The following FBRSL1 variants were observed in gnomAD, a reference collection of about 807,000 sequenced individuals.
FBRSL1 encodes fibrosin like 1.
A neutral mutation model predicts 89.6 loss-of-function variants in FBRSL1; 51 were observed. That is an observed-to-expected ratio of 0.57 (90% CI 0.45 to 0.72). FBRSL1 has a LOEUF of 0.72. FBRSL1 is among the 30% of genes least tolerant of loss of function. FBRSL1 has a pLI of 0.00. For missense variants in FBRSL1, 1,618 were observed against 1,451.8 expected, an observed-to-expected ratio of 1.11 and a Z score of -1.86; for synonymous variants, 779 against 681.1, an observed-to-expected ratio of 1.14 and a Z score of -2.24.
chr12:132,569,292 G>A (rs970217311), intron 6 of FBRSL1, among the ~76,000 whole-genome samples: 3 of 152,130 alleles, frequency 2.0e-5, no homozygotes, highest in African/African-American at 4.8e-5. Flanking sequence ...CAGAAGGGTG[G>A]CCAGGGAGCA....
At chr12:132,580,253 A>T (rs2040653367) in intron 15 of FBRSL1, among the ~76,000 whole-genome samples, 1 of 152,014 alleles carries the variant, frequency 6.6e-6, no homozygotes, top group African/African-American at 2.4e-5. Flanking sequence ...ACACCTGGCT[A>T]ATTTTTGTAT....
At chr12:132,536,579 AGTGT>A (rs755410776) in intron 4 of FBRSL1, among the ~76,000 whole-genome samples, 4 of 144,872 alleles carry the variant, frequency 2.8e-5, no homozygotes, top group Admixed American at 6.9e-5. Context: ...TGTACATCAC[AGTGT>A]GTGAGTGCAC....
intron 2 of FBRSL1, chr12:132,511,991 T>C (rs995164251): frequency 2.0e-6 from 2 of 985,380 alleles, no homozygotes; most frequent in African/African-American, 1.7e-5. Context: ...AGCATGTGTC[T>C]TACGTGATTT....
chr12:132,511,566 G>A, intron 2 of FBRSL1: 1 of 985,666 alleles, frequency 1.0e-6, no homozygotes, highest in Non-Finnish European at 1.2e-6. Context: ...AGCTGGGCAG[G>A]CTCTAACCAG....
chr12:132,548,111 C>T (rs1430066358), intron 5 of FBRSL1, 79 bp downstream of exon 5: 5 of 1,494,202 alleles, frequency 3.3e-6, no homozygotes, highest in South Asian at 2.4e-5. Flanking sequence ...GAGGTGGGCC[C>T]TGGAGACCAG....
At chr12:132,508,044 C>T in intron 1 of FBRSL1, 109 bp from the exon 2 acceptor site, 1 of 1,159,746 alleles carries the variant, frequency 8.6e-7, no homozygotes, top group Non-Finnish European at 1.2e-6. Context: ...CTGAGGTGCC[C>T]CTCCCAAGTG....
intron 4 of FBRSL1, among the ~76,000 whole-genome samples, chr12:132,545,782 T>C: frequency 6.6e-6 from 1 of 152,244 alleles, no homozygotes; most frequent in East Asian, 1.9e-4. Flanking sequence ...GTCAGGCTGC[T>C]CTCGAGGCCT....
intron 2 of FBRSL1, among the ~76,000 whole-genome samples, chr12:132,519,149 G>A (rs2035126122): frequency 6.6e-6 from 1 of 152,268 alleles, no homozygotes. Flanking sequence ...CCTGTTTACT[G>A]TGTCTGCCTG....
At chr12:132,582,336 C>T (rs1427930619) in intron 18 of FBRSL1, 70 bp downstream of exon 18, 1 of 1,333,360 alleles carries the variant, frequency 7.5e-7, no homozygotes, top group Admixed American at 2.1e-5. Context: ...TCCCGTCATC[C>T]CCGGTTCCCC....
chr12:132,511,612 C>A, intron 2 of FBRSL1: 2 of 985,630 alleles, frequency 2.0e-6, no homozygotes, highest in Middle Eastern at 5.2e-4. Flanking sequence ...CACCTGGACC[C>A]CTGCGCCACG....
intron 18 of FBRSL1, among the ~76,000 whole-genome samples, chr12:132,582,664 G>A (rs1459143836): frequency 6.6e-6 from 1 of 152,128 alleles, no homozygotes; most frequent in Non-Finnish European, 1.5e-5. Context: ...CGGAGTTTGA[G>A]GGAGGAGTTC....
chr12:132,492,212 G>A (rs915877386), intron 1 of FBRSL1, among the ~76,000 whole-genome samples: 4 of 152,146 alleles, frequency 2.6e-5, no homozygotes, highest in South Asian at 2.1e-4. Flanking sequence ...GTCCCTAACC[G>A]CGGCTTCCTC....
chr12:132,564,772 G>A lies in FBRSL1; in HGVS notation c.646-2709G>A, dbSNP rs916509287. 1.8e-5 allele frequency among the ~76,000 whole-genome samples: 2 copies of A among 109,058 alleles called. 1 individual carries two copies. The allele number at this position is 109,058 out of a possible 152,430, so 71.5% of individuals were successfully genotyped here. Reference sequence around the variant, plus strand: ...GGCCTCCCGAGTAGCTGGGACTACAGGCGCCCGCCACCACGCCCGGCTAAT... The same window carrying A: ...GGCCTCCCGAGTAGCTGGGACTACAAGCGCCCGCCACCACGCCCGGCTAAT... On this transcript the variant is annotated intron_variant, in intron 5 of 18. Coordinates refer to ENST00000680143, the MANE Select transcript of FBRSL1 (RefSeq NM_001367871.1).
Position 132,583,976 on chromosome 12 carries a change from G to A in FBRSL1, c.*198G>A. The stretch of plus-strand genomic sequence containing the variant: ...TCCGAGTTTGGGATTCGGCTGTTGG[G>A]AAAAAAAAATCGCGTTTGTACCTTT... On this transcript the variant is annotated 3_prime_UTR_variant, in exon 19 of 19. Coordinates refer to ENST00000680143, the MANE Select transcript of FBRSL1 (RefSeq NM_001367871.1). 1 of 275,270 alleles carries A rather than the reference G, an allele frequency of 3.6e-6. No homozygotes were observed. Among genetic ancestry groups the A allele is most frequent in the African/African-American group, 2.2e-5 (1 of 44,648 alleles). 17.1% of individuals were successfully genotyped at this position (275,270 alleles called of 1,614,324 possible). A position where few individuals can be genotyped will look rare whatever the true frequency, so the allele number is the denominator to read the frequency against.
At chr12:132,564,303 C>T (rs1442950996) in intron 5 of FBRSL1, among the ~76,000 whole-genome samples, 1 of 152,198 alleles carries the variant, frequency 6.6e-6, no homozygotes, top group African/African-American at 2.4e-5. Context: ...ACGTGGGATT[C>T]AGGGGAAGCA....
intron 2 of FBRSL1, chr12:132,509,454 TC>T: frequency 8.1e-7 from 1 of 1,235,988 alleles, no homozygotes; most frequent in East Asian, 3.2e-5. Context: ...GCTCCTTCCA[TC>T]CCCAGATCAG....
At chr12:132,515,899 C>CAAAAAAAAAAAAAAAAAAAAAAAAAA in intron 2 of FBRSL1, among the ~76,000 whole-genome samples, 1 of 65,640 alleles carries the variant, frequency 1.5e-5, no homozygotes, top group South Asian at 6.0e-4. Flanking sequence ...GACTCCGTCT[C>CAAAAAAAAAAAAAAAAAAAAAAAAAA]AAAAAAAAAA....
chr12:132,576,717 C>T (rs1440960233), intron 14 of FBRSL1, 82 bp from the exon 15 acceptor site: 1 of 1,469,720 alleles, frequency 6.8e-7, no homozygotes, highest in East Asian at 2.5e-5. Flanking sequence ...CACACCCAGT[C>T]CCTGTGGCCC....
At chr12:132,557,177 C>T (rs1036495905) in intron 5 of FBRSL1, among the ~76,000 whole-genome samples, 12 of 152,202 alleles carry the variant, frequency 7.9e-5, no homozygotes, top group Non-Finnish European at 1.6e-4. Flanking sequence ...CGCTGCGTAA[C>T]GATGGCAGAC....
Sources: gnomAD v4.1 joint callset for allele counts (sites outside exome capture counted in the v4.1 genomes callset) on GRCh38, gnomAD v4.1.1 for gene constraint, MANE v1.5 for transcripts, NCBI Gene and HGNC (gene_info 2026-07-23, HGNC 2026-07-21) for gene names.